Variants in SYT10 observed in about 807,000 individuals in gnomAD.
SYT10 encodes synaptotagmin-10.
Under a neutral mutation model 51.1 loss-of-function variants are expected in SYT10, and 31 were observed. The observed-to-expected ratio is 0.61, with a 90% confidence interval of 0.46 to 0.82. The LOEUF (loss-of-function observed/expected upper bound fraction) is 0.82, where lower values mean the gene tolerates loss of function less well. Among genes scored for constraint, SYT10 ranks in the 40% least tolerant of loss-of-function variants. The pLI, the probability that SYT10 is intolerant of heterozygous loss-of-function variation, is 0.00. For synonymous variants in SYT10, 233 were observed against 225.9 expected (o/e 1.03, Z -0.28); for missense variants, 603 against 634.0 (o/e 0.95, Z 0.53).
At chr12:33,409,570 G>A (rs1866388498) in intron 2 of SYT10, among the ~76,000 whole-genome samples, 1 of 151,322 alleles carries the variant, frequency 6.6e-6, no homozygotes, top group African/African-American at 2.4e-5. Context: ...CTGGAGTGCA[G>A]TGGCGTGATC....
In SYT10 at chr12:33,439,713, G is replaced by T. The variant is rs1355689769; in HGVS notation, c.-191C>A. ...CCATGGCGGGAGCGGAGGGCGTAGG[G>T]GAAGGAGAGGCGCGCGAGGAGGCTG... is the stretch of plus-strand genomic sequence containing the variant. On this transcript the variant is annotated 5_prime_UTR_variant, in exon 1 of 7. Transcript: ENST00000228567. 1.4e-5 allele frequency: 9 copies of T among 641,442 alleles called. No individual in the cohort carries two copies. Among genetic ancestry groups the T allele is most frequent in the South Asian group, 8.8e-5 (4 of 45,520 alleles). 39.7% of individuals were successfully genotyped at this position (641,442 alleles called of 1,614,324 possible). A position where few individuals can be genotyped will look rare whatever the true frequency, so the allele number is the denominator to read the frequency against.
chr12:33,413,161 C>T (rs1004006271), intron 2 of SYT10, among the ~76,000 whole-genome samples: 4 of 152,134 alleles, frequency 2.6e-5, no homozygotes, highest in African/African-American at 9.7e-5. Context: ...TTAACAAAGC[C>T]TCCAAGAAAT....
chr12:33,422,090 A>G (rs1486814855), intron 2 of SYT10, among the ~76,000 whole-genome samples: 1 of 109,216 alleles, frequency 9.2e-6, no homozygotes, highest in Non-Finnish European at 1.9e-5. Flanking sequence ...TTAAAGTATT[A>G]AAAAAAAAAA....
At chr12:33,426,642 G>A (rs1866556043) in intron 1 of SYT10, 147 bp from the exon 2 acceptor site, 1 of 795,868 alleles carries the variant, frequency 1.3e-6, no homozygotes, top group East Asian at 2.9e-5. Flanking sequence ...AGGAAGAAAA[G>A]GTTAATAATC....
chr12:33,395,450 A>G (rs1356222706), intron 3 of SYT10, among the ~76,000 whole-genome samples: 1 of 152,202 alleles, frequency 6.6e-6, no homozygotes, highest in East Asian at 1.9e-4. Flanking sequence ...AATTCCTAGA[A>G]CTTACAATAG....
At chr12:33,422,519 T>C (rs2138429244) in intron 2 of SYT10, among the ~76,000 whole-genome samples, 2 of 152,266 alleles carry the variant, frequency 1.3e-5, no homozygotes, top group Middle Eastern at 3.4e-3. Context: ...AGAGAGACTC[T>C]GAACATGTTG....
intron 4 of SYT10, 143 bp downstream of exon 4, chr12:33,385,028 A>G: frequency 9.6e-7 from 1 of 1,039,850 alleles, no homozygotes; most frequent in Admixed American, 2.9e-5. Context: ...GATGAATTGG[A>G]ACATTTAAAT....
At chr12:33,398,357 C>A (rs1345766003) in intron 3 of SYT10, among the ~76,000 whole-genome samples, 1 of 151,696 alleles carries the variant, frequency 6.6e-6, no homozygotes, top group Non-Finnish European at 1.5e-5. Flanking sequence ...ACTAAAAATA[C>A]AAAAAATTAG....
chr12:33,400,646 A>T (rs543876126), intron 3 of SYT10, among the ~76,000 whole-genome samples: 1 of 152,190 alleles, frequency 6.6e-6, no homozygotes, highest in Non-Finnish European at 1.5e-5. Context: ...GTTATGTTAA[A>T]AAAAAAGGAA....
chr12:33,389,202 G>A (rs1026937686), intron 3 of SYT10, among the ~76,000 whole-genome samples: 17 of 152,162 alleles, frequency 1.1e-4, no homozygotes, highest in African/African-American at 4.1e-4. Flanking sequence ...GTTGTTTGAT[G>A]TCTTCTATGG....
chr12:33,425,900 C>T (rs1459481228), intron 2 of SYT10, among the ~76,000 whole-genome samples: 1 of 152,024 alleles, frequency 6.6e-6, no homozygotes, highest in Non-Finnish European at 1.5e-5. Context: ...CTTTCATGGT[C>T]CTGCTCCCTA....
At chr12:33,417,607 T>G (rs551753734) in intron 2 of SYT10, among the ~76,000 whole-genome samples, 36 of 152,366 alleles carry the variant, frequency 2.4e-4, no homozygotes, top group African/African-American at 8.7e-4. Flanking sequence ...GAAAACAGAT[T>G]GCTGTGCAGC....
chr12:33,399,653 G>A (rs148400304), intron 3 of SYT10, among the ~76,000 whole-genome samples: 51 of 152,174 alleles, frequency 3.4e-4, no homozygotes, highest in African/African-American at 1.2e-3. Flanking sequence ...CTTTAAGTAG[G>A]CTGGCTGAGT....
In SYT10 at chr12:33,418,131, C is replaced by T. The variant is rs140523695; in HGVS notation, c.509+8007G>A. Among the ~76,000 whole-genome samples the T allele has an allele frequency of 1.5e-4, 23 of 152,232 alleles. No individual in the cohort carries two copies. In the East Asian group the frequency reaches 4.3e-3, roughly 28 times the overall value. On this transcript the variant is annotated intron_variant, in intron 2 of 6. Coordinates refer to ENST00000228567, the MANE Select transcript of SYT10 (RefSeq NM_198992.4). ...CCACAATCGCTCTTGAAAATGTGAA[C>T]AATGTCTCCCCAACATTGCTAAATT...
chr12:33,414,474 A>G (rs1866436487), intron 2 of SYT10, among the ~76,000 whole-genome samples: 1 of 152,196 alleles, frequency 6.6e-6, no homozygotes. Context: ...ATTATCACAA[A>G]CTGTCTCTCA....
At chr12:33,380,105 T>C (rs1866101258) in intron 5 of SYT10, 144 bp from the exon 6 acceptor site, 2 of 821,316 alleles carry the variant, frequency 2.4e-6, no homozygotes, top group African/African-American at 1.7e-5. Flanking sequence ...CCGAATGAAA[T>C]CTCTTAAGTA....
chr12:33,420,838 GA>G (rs1297734058), intron 2 of SYT10, among the ~76,000 whole-genome samples: 1 of 152,162 alleles, frequency 6.6e-6, no homozygotes, highest in Non-Finnish European at 1.5e-5. Context: ...TTTCTTTCAT[GA>G]AGGGAATTAT....
intron 3 of SYT10, among the ~76,000 whole-genome samples, chr12:33,387,150 T>C (rs568536392): frequency 6.6e-6 from 1 of 152,174 alleles, no homozygotes; most frequent in Non-Finnish European, 1.5e-5. Flanking sequence ...ACTATTAACA[T>C]CTATTGGGCT....
chr12:33,400,191 A>G (rs548089900), intron 3 of SYT10, among the ~76,000 whole-genome samples: 2 of 152,350 alleles, frequency 1.3e-5, no homozygotes, highest in South Asian at 4.1e-4. Context: ...GAACTTTAGA[A>G]GATAATTCAT....
Sources: gnomAD v4.1 joint callset for allele counts (sites outside exome capture counted in the v4.1 genomes callset) on GRCh38, gnomAD v4.1.1 for gene constraint, MANE v1.5 for transcripts, NCBI Gene and HGNC (gene_info 2026-07-23, HGNC 2026-07-21) for gene names.